NAV3: variants seen among roughly 807,000 people sequenced by gnomAD.
NAV3 encodes the protein pore membrane and/or filament interacting like protein 1.
In NAV3, 87 loss-of-function variants were observed where a neutral mutation model predicts 244.7. The observed-to-expected ratio is 0.36, with a 90% CI of 0.30 to 0.42. The LOEUF is 0.42. Among genes scored for constraint, NAV3 ranks in the 20% least tolerant of loss-of-function variants. NAV3 has a pLI of 1.00. For missense variants in NAV3, 2,663 were observed against 2,893.3 expected, an observed-to-expected ratio of 0.92 and a Z score of 1.83; for synonymous variants, 1,126 against 1,042.2, an observed-to-expected ratio of 1.08 and a Z score of -1.55.
At chr12:78,036,912 A>G (rs948704581) in intron 9 of NAV3, 13 of 702,894 alleles carry the variant, frequency 1.8e-5, no homozygotes, top group Non-Finnish European at 3.4e-5. Flanking sequence ...AGAAGTAAGG[A>G]GAAAGGGAGC....
intron 31 of NAV3, among the ~76,000 whole-genome samples, chr12:78,187,925 A>G (rs947120988): frequency 6.6e-6 from 1 of 151,982 alleles, no homozygotes; most frequent in Admixed American, 6.6e-5. Context: ...ATTATAATGC[A>G]AGAGTATTCT....
intron 8 of NAV3, among the ~76,000 whole-genome samples, chr12:78,009,545 T>C (rs756481028): frequency 1.7e-4 from 25 of 151,058 alleles, no homozygotes; most frequent in Non-Finnish European, 3.2e-4. Context: ...GGTGGTTGCC[T>C]AGGTGGGAAT....
rs987290062 is a variant in NAV3, at chr12:78,168,047, T to C, written c.4870-708T>C. ...CTTTATTAAAATTTGATCTGTAAGC[T>C]GCTTTGTTTGTAATTTAACTATTAT... On this transcript the variant is annotated intron_variant, in intron 23 of 39. Transcript: ENST00000397909. 2.0e-5 allele frequency among the ~76,000 whole-genome samples: 3 copies of C among 151,852 alleles called. No individual in the cohort carries two copies. The Admixed American group carries it at 2.0e-4, about 10-fold the overall frequency.
intron 2 of NAV3, among the ~76,000 whole-genome samples, chr12:77,656,947 A>T (rs372817098): frequency 1.3e-5 from 2 of 152,236 alleles, no homozygotes; most frequent in African/African-American, 4.8e-5. Flanking sequence ...TCTCTGGGAC[A>T]CATTCAAAGC....
chr12:78,206,501 A>C (rs1401389792), intron 39 of NAV3, among the ~76,000 whole-genome samples: 1 of 152,046 alleles, frequency 6.6e-6, no homozygotes, highest in East Asian at 1.9e-4. Context: ...TGTTTATAAG[A>C]TTTGTTCTCA....
At position 77,610,525 on chromosome 12, in the gene NAV3, C is replaced by T. The variant is rs544519914; in HGVS notation, c.72+38259C>T. ...AGTTTGTGGAATTCATCCCATTTCT[C>T]ATTTATAGATACGTAGACAAGCCAT... On this transcript the variant is annotated intron_variant, in intron 2 of 8. Transcript: ENST00000550042. Among the ~76,000 whole-genome samples, 164 of 152,198 alleles carry T rather than the reference C, an allele frequency of 1.1e-3. 3 individuals are homozygous for T. In the South Asian group the frequency reaches 0.019, roughly 18 times the overall value.
intron 9 of NAV3, among the ~76,000 whole-genome samples, chr12:78,033,202 C>T (rs1419527218): frequency 6.6e-6 from 1 of 151,518 alleles, no homozygotes; most frequent in East Asian, 1.9e-4. Flanking sequence ...AAATATCTGA[C>T]ATTTACAATC....
intron 2 of NAV3, among the ~76,000 whole-genome samples, chr12:77,731,335 A>T (rs1051732786): frequency 6.6e-6 from 1 of 152,036 alleles, no homozygotes; most frequent in Non-Finnish European, 1.5e-5. Context: ...GTAGAGAGTT[A>T]TAGAAGAATT....
intron 18 of NAV3, chr12:78,130,836 C>T (rs147707379): frequency 5.4e-4 from 102 of 188,500 alleles, no homozygotes; most frequent in Non-Finnish European, 9.2e-4. Flanking sequence ...TTGGTTACTT[C>T]TCCAGTGTTT....
chr12:77,750,722 G>C (rs1868806138), intron 2 of NAV3, among the ~76,000 whole-genome samples: 1 of 152,120 alleles, frequency 6.6e-6, no homozygotes, highest in Admixed American at 6.5e-5. Context: ...ACAGTGACAA[G>C]TGATACAATA....
At chr12:77,975,148 T>C (rs1868288927) in intron 5 of NAV3, among the ~76,000 whole-genome samples, 1 of 152,208 alleles carries the variant, frequency 6.6e-6, no homozygotes, top group African/African-American at 2.4e-5. Context: ...GTTTAGATTT[T>C]TTTAATTAGT....
chr12:77,951,449 G>A (rs1381853197), intron 3 of NAV3, among the ~76,000 whole-genome samples: 1 of 152,150 alleles, frequency 6.6e-6, no homozygotes, highest in Non-Finnish European at 1.5e-5. Context: ...GGAGAAATGG[G>A]AACACTTTTA....
At position 77,739,593 on chromosome 12, in the gene NAV3, A is replaced by C. The variant is rs138610442; in HGVS notation, c.72+167327A>C. Among the ~76,000 whole-genome samples the C allele has an allele frequency of 3.4e-3, 514 of 152,318 alleles. 3 individuals carry two copies. Among genetic ancestry groups the C allele is most frequent in the African/African-American group, 0.011 (465 of 41,580 alleles). On this transcript the variant is annotated intron_variant, in intron 2 of 8. Transcript: ENST00000550042. The stretch of plus-strand genomic sequence containing the variant: ...TTTATTAGAAAAACTGATTAAATTG[A>C]GTATTCACAACTAGTAGTGAAAATT...
At chr12:77,736,448 G>A (rs1877337958) in intron 2 of NAV3, among the ~76,000 whole-genome samples, 1 of 152,152 alleles carries the variant, frequency 6.6e-6, no homozygotes, top group Admixed American at 6.5e-5. Context: ...AACTTATGTG[G>A]TTGTACCAGT....
intron 2 of NAV3, among the ~76,000 whole-genome samples, chr12:77,781,416 A>G (rs1870655320): frequency 1.3e-5 from 2 of 152,160 alleles, no homozygotes; most frequent in African/African-American, 2.4e-5. Context: ...ATAACCCTTT[A>G]TCAGAACCCA....
At chr12:77,923,062 A>G (rs1191178950) in intron 1 of NAV3, among the ~76,000 whole-genome samples, 2 of 151,986 alleles carry the variant, frequency 1.3e-5, no homozygotes, top group African/African-American at 4.8e-5. Flanking sequence ...CATTTTGAAG[A>G]GTGAATAAAC....
At chr12:77,698,581 TGTAGATTAA>T (rs1486959076) in intron 2 of NAV3, among the ~76,000 whole-genome samples, 1 of 152,128 alleles carries the variant, frequency 6.6e-6, no homozygotes, top group Admixed American at 6.6e-5. Context: ...TGAGATTATT[TGTAGATTAA>T]GTAGATTCAA....
At position 78,006,731 on chromosome 12, in the gene NAV3, G is replaced by GCC. The variant is rs772313322; in HGVS notation, c.1198_1199dup (p.Gln401ArgfsTer31). On this transcript the variant is annotated frameshift_variant, in exon 8 of 40. Transcript: ENST00000397909. LOFTEE classifies it high-confidence loss of function. Reference sequence around the variant, plus strand: ...CTAGTCAATGCCCGGACTGCTTTACGCCCCCCGCAGCCTCCCAGTTCAGGA... The same window carrying GCC: ...CTAGTCAATGCCCGGACTGCTTTACGCCCCCCCCGCAGCCTCCCAGTTCAGGA... 6.2e-7 allele frequency: 1 copy of GCC among 1,614,028 alleles called. No homozygotes were observed. Among genetic ancestry groups the GCC allele is most frequent in the Non-Finnish European group, 8.5e-7 (1 of 1,180,006 alleles).
intron 2 of NAV3, among the ~76,000 whole-genome samples, chr12:77,762,156 T>C (rs1191268153): frequency 1.3e-5 from 2 of 152,076 alleles, no homozygotes; most frequent in African/African-American, 4.8e-5. Flanking sequence ...GAAACCATCA[T>C]TCTCAACAAA....
Sources: gnomAD v4.1 joint callset for allele counts (sites outside exome capture counted in the v4.1 genomes callset) on GRCh38, gnomAD v4.1.1 for gene constraint, MANE v1.5 for transcripts, NCBI Gene and HGNC (gene_info 2026-07-23, HGNC 2026-07-21) for gene names.